Variants in RP1L1 observed in about 807,000 individuals in gnomAD.
RP1L1 encodes the protein RP1 like 1, also known as retinitis pigmentosa 1-like 1 protein.
RP1L1 carries 27 observed loss-of-function variants against 15.7 expected under a neutral mutation model. The ratio of observed to expected loss-of-function variants is 1.72; its 90% CI spans 1.27 to 2.38. RP1L1 has a LOEUF of 2.38. Ranked by LOEUF, RP1L1 falls within the 30% of genes most tolerant of loss-of-function variation. RP1L1 has a pLI of 0.00. For synonymous variants in RP1L1, 1,813 were observed against 1,276.7 expected, an observed-to-expected ratio of 1.42 and a Z score of -8.96; for missense variants, 4,798 against 3,075.9, an observed-to-expected ratio of 1.56 and a Z score of -13.24.
At chr8:10,648,449 G>C (rs1017796923) in intron 1 of RP1L1, among the ~76,000 whole-genome samples, 2 of 152,040 alleles carry the variant, frequency 1.3e-5, no homozygotes, top group Non-Finnish European at 2.9e-5. Flanking sequence ...TGTTTATAAA[G>C]TGTCCTAGGC....
rs745514303 is a variant in RP1L1 at position 10,611,891 on chromosome 8, C to T, written c.2207G>A (p.Ser736Asn). 4.3e-6 allele frequency: 7 copies of T among 1,613,860 alleles called. No individual in the cohort carries two copies. Among genetic ancestry groups the T allele is most frequent in the Non-Finnish European group, 2.5e-6 (3 of 1,180,032 alleles). ...GACTGCAGGGGTGACAGTGGCACTGCTGGTTCCCAGAAGGTCCTGGGAAGG... is the reference window on the plus strand; with the variant it reads ...GACTGCAGGGGTGACAGTGGCACTGTTGGTTCCCAGAAGGTCCTGGGAAGG... The part of the protein sequence containing the change: ...SLPSQDLLGT[S>N]SATVTPAVHS... Residue 736 changes from serine (S) to asparagine (N), a missense_variant, in exon 4 of 4, where the codon AGC (serine) becomes AAC (asparagine). Transcript: ENST00000382483.
chr8:10,637,276 G>A (rs915580080), intron 1 of RP1L1, among the ~76,000 whole-genome samples: 1 of 152,180 alleles, frequency 6.6e-6, no homozygotes, highest in Non-Finnish European at 1.5e-5. Flanking sequence ...AGAGTGGCAA[G>A]GTCCTCTCAC....
In RP1L1 at chr8:10,608,440, C is replaced by G. The variant is rs750597054; in HGVS notation, c.5658G>C (p.Glu1886Asp). ...APEAEGEAQP[E>D]SEDVETPEAE... ...CCTCTGGGGTCTCTACATCTTCTGA[C>G]TCTGGCTGGGCCTCTCCTTCTGCCT... Residue 1886 changes from glutamate to aspartate, a missense_variant, in exon 4 of 4, where the codon GAG (glutamate) becomes GAC (aspartate). Physicochemically the swap from Glu to Asp is conservative, Grantham distance 45 (BLOSUM62 2). Coordinates refer to ENST00000382483, the MANE Select transcript of RP1L1 (RefSeq NM_178857.6). 2 of 1,605,064 alleles carry G rather than the reference C, an allele frequency of 1.2e-6. No homozygotes were observed. The highest frequency in any genetic ancestry group is 2.7e-5 in the African/African-American group (2 of 74,238).
chr8:10,608,114 G>A lies in RP1L1; in HGVS notation c.5984C>T (p.Pro1995Leu), dbSNP rs1361163780. ...TGGGGCCTCTACATCTTCTGACTCT[G>A]GCTGGGCCTCCCCTTCTGCCTCCTG... ...ETQEAEGEAQ[P>L]ESEDVEAPEA... is the part of the protein sequence containing the mutation. Residue 1995 changes from proline (P) to leucine (L), a missense_variant, in exon 4 of 4, where the codon CCA (proline) becomes CTA (leucine). Transcript: ENST00000382483. 6 of 1,611,604 alleles carry A rather than the reference G, an allele frequency of 3.7e-6. No individual in the cohort carries two copies. Among genetic ancestry groups the A allele is most frequent in the Non-Finnish European group, 5.1e-6 (6 of 1,179,386 alleles).
chr8:10,635,936 C>T (rs977081908), intron 1 of RP1L1, among the ~76,000 whole-genome samples: 2 of 152,236 alleles, frequency 1.3e-5, no homozygotes, highest in African/African-American at 4.8e-5. Flanking sequence ...GCGGACAAAA[C>T]CATCCCCATG....
chr8:10,635,173 T>G (rs1160606202), intron 1 of RP1L1, among the ~76,000 whole-genome samples: 1 of 152,190 alleles, frequency 6.6e-6, no homozygotes, highest in African/African-American at 2.4e-5. Flanking sequence ...GGCATGTCCT[T>G]GAGGAAGTCA....
chr8:10,654,162 C>A (rs1413305231), intron 1 of RP1L1, among the ~76,000 whole-genome samples: 1 of 152,192 alleles, frequency 6.6e-6, no homozygotes, highest in Non-Finnish European at 1.5e-5. Context: ...CTCGTTTTCT[C>A]CACCAGAAAA....
rs1797765091 is a variant in RP1L1 at position 10,608,784 on chromosome 8, T to C, written c.5314A>G (p.Arg1772Gly). The change falls in exon 4 of 4, where the codon AGA becomes GGA. Residue 1772 changes from arginine to glycine, a missense_variant. Physicochemically the swap from Arg to Gly is moderately radical, Grantham distance 125. Transcript: ENST00000382483. ...EAEGDAMAQE[R>G]EGKTHNSETS... ...TCACTGTTGTGGGTTTTCCCTTCTC[T>C]CTCCTGAGCCATTGCATCTCCCTCT... 3 of 1,613,974 alleles carry C rather than the reference T, an allele frequency of 1.9e-6. No individual in the cohort carries two copies. Among genetic ancestry groups the C allele is most frequent in the East Asian group, 2.2e-5 (1 of 44,878 alleles).
chr8:10,619,398 G>A (rs538205538), intron 2 of RP1L1, among the ~76,000 whole-genome samples: 1 of 152,288 alleles, frequency 6.6e-6, no homozygotes, highest in African/African-American at 2.4e-5. Context: ...TGCCCTCGTT[G>A]TTCTAGTACC....
In RP1L1 at chr8:10,611,771, A is replaced by G; in HGVS notation, c.2327T>C (p.Ile776Thr). The G allele has an allele frequency of 1.9e-6, 3 of 1,613,512 alleles. No homozygotes were observed. The highest frequency in any genetic ancestry group is 3.3e-5 in the Admixed American group (2 of 60,016). ...GCAGGAGTCGGATGTGTGGGGAGGT[A>G]TGGGGGCCGGCGAGCATGTCCTGGA... ...AGSRTCSPAP[I>T]PPHTSDSCSK... Residue 776 changes from isoleucine to threonine, a missense_variant, in exon 4 of 4, where the codon ATA becomes ACA. By Grantham distance (89) the Ile-to-Thr change is moderately conservative. Coordinates refer to ENST00000382483, the MANE Select transcript of RP1L1 (RefSeq NM_178857.6).
chr8:10,610,860 ACACCCGGCCAGGAAGTGCCCGCAGGCT>A lies in RP1L1; in HGVS notation c.3211_3237del (p.Leu1072_Ser1080del). ...GCCCTCATGATCTGCGTGGAGGCAG[ACACCCGGCCAGGAAGTGCCCGCAGGCT>A]CACCCTGCAGCCTGCTGGGGCCTCT... is the stretch of plus-strand genomic sequence containing the variant. On this transcript the variant is annotated inframe_deletion, in exon 4 of 4. Transcript: ENST00000382483. 2 of 1,608,254 alleles carry A rather than the reference ACACCCGGCCAGGAAGTGCCCGCAGGCT, an allele frequency of 1.2e-6. No homozygotes were observed. The highest frequency in any genetic ancestry group is 2.7e-5 in the African/African-American group (2 of 74,856).
chr8:10,609,054 G>A lies in RP1L1; in HGVS notation c.5044C>T (p.Pro1682Ser), dbSNP rs1409277007. ...PKATMGATRG[P>S]IKEAFDLQQI... ...TGCAGGTCAAAGGCCTCTTTGATGG[G>A]ACCTCTGGTTGCCCCCATTGTGGCC... Residue 1682 changes from proline to serine, a missense_variant, in exon 4 of 4, where the codon CCC (proline) becomes TCC (serine). Coordinates refer to ENST00000382483, the MANE Select transcript of RP1L1 (RefSeq NM_178857.6). The A allele has an allele frequency of 4.3e-6, 7 of 1,613,808 alleles. No homozygotes were observed. In the East Asian group the frequency reaches 1.6e-4, roughly 36 times the overall value.
intron 1 of RP1L1, among the ~76,000 whole-genome samples, chr8:10,626,193 G>T (rs1044293049): frequency 6.6e-6 from 1 of 152,132 alleles, no homozygotes; most frequent in African/African-American, 2.4e-5. Context: ...GCTGGCAGCG[G>T]GCGCAGGCAG....
In RP1L1 at chr8:10,647,123, G is replaced by T. The variant is rs191074745; in HGVS notation, c.-20+7775C>A. 8.5e-5 allele frequency among the ~76,000 whole-genome samples: 13 copies of T among 152,308 alleles called. No individual in the cohort carries two copies. In the East Asian group the frequency reaches 2.1e-3, roughly 25 times the overall value. On this transcript the variant is annotated intron_variant, in intron 1 of 3. Coordinates refer to ENST00000382483, the MANE Select transcript of RP1L1 (RefSeq NM_178857.6). ...GCCTTCAGAACTCCCTGTAAAAGTG[G>T]CTGCGTTTCCACTGAGGCGCCACGG...
chr8:10,606,801 T>C lies in RP1L1; in HGVS notation c.*94A>G. 1.9e-6 allele frequency: 3 copies of C among 1,591,272 alleles called. No homozygotes were observed. The highest frequency in any genetic ancestry group is 1.1e-5 in the South Asian group (1 of 88,706). On this transcript the variant is annotated 3_prime_UTR_variant, in exon 4 of 4. Coordinates refer to ENST00000382483, the MANE Select transcript of RP1L1 (RefSeq NM_178857.6). The stretch of plus-strand genomic sequence containing the variant: ...GGTCTTTGTCCATGTACTATGGACA[T>C]CTCCAGTGGACTGAACGTTGCTCAG...
chr8:10,644,989 G>C (rs1235834982), intron 1 of RP1L1, among the ~76,000 whole-genome samples: 2 of 152,088 alleles, frequency 1.3e-5, no homozygotes, highest in African/African-American at 4.8e-5. Context: ...TTTTAACATT[G>C]TTTGACACAA....
chr8:10,625,638 C>G (rs1460350980), intron 1 of RP1L1, among the ~76,000 whole-genome samples: 1 of 152,178 alleles, frequency 6.6e-6, no homozygotes, highest in Non-Finnish European at 1.5e-5. Flanking sequence ...CCACACAGGG[C>G]AGGGCCTCAT....
intron 1 of RP1L1, among the ~76,000 whole-genome samples, chr8:10,633,914 C>T (rs777971097): frequency 8.5e-5 from 13 of 152,128 alleles, no homozygotes; most frequent in Non-Finnish European, 1.6e-4. Flanking sequence ...ACCGATTGAC[C>T]GACGTGAGGG....
chr8:10,628,476 C>G (rs1304592234), intron 1 of RP1L1, among the ~76,000 whole-genome samples: 1 of 152,108 alleles, frequency 6.6e-6, no homozygotes, highest in Non-Finnish European at 1.5e-5. Flanking sequence ...TAGATGCACC[C>G]TCCACCCCCA....
Sources: allele counts gnomAD v4.1 joint callset (sites outside exome capture counted in the v4.1 genomes callset), GRCh38; gene constraint gnomAD v4.1.1; transcripts MANE v1.5; gene names NCBI Gene and HGNC (gene_info 2026-07-23, HGNC 2026-07-21).